Variants in GTF3C1 observed in about 807,000 individuals in gnomAD.
GTF3C1 encodes the protein general transcription factor IIIC subunit 1, also known as general transcription factor 3C polypeptide 1.
In GTF3C1, 57 loss-of-function variants were observed where a neutral mutation model predicts 226.7. That is an observed-to-expected ratio of 0.25 (90% CI 0.20 to 0.31). The LOEUF (loss-of-function observed/expected upper bound fraction) is 0.31. Among genes scored for constraint, GTF3C1 ranks in the 10% least tolerant of loss-of-function variants. The pLI is 1.00. For synonymous variants in GTF3C1, 1,090 were observed against 1,084.8 expected, an observed-to-expected ratio of 1.00 and a Z score of -0.09; for missense variants, 2,217 against 2,776.1, an observed-to-expected ratio of 0.80 and a Z score of 4.53.
rs2087731356 is a variant in GTF3C1, at chr16:27,463,248, G to A, written c.5924+293C>T. On this transcript the variant is annotated intron_variant, in intron 35 of 36. Transcript: ENST00000356183. This position sits in a 1 kb window ranked among gnomAD's most constrained non-coding sequence, Gnocchi z 4.9. Reference sequence around the variant, plus strand: ...AGTGGGTGAGGTGCCTGTGGGCCATGAGGAGCCAGTGAAGCACAGCTGACA... The same window carrying A: ...AGTGGGTGAGGTGCCTGTGGGCCATAAGGAGCCAGTGAAGCACAGCTGACA... The A allele has an allele frequency of 4.5e-6, 2 of 446,642 alleles. No homozygotes were observed. Among genetic ancestry groups the A allele is most frequent in the Non-Finnish European group, 7.9e-6 (2 of 252,554 alleles). 27.7% of individuals were successfully genotyped at this position (446,642 alleles called of 1,614,324 possible).
At chr16:27,495,541 T>C in intron 14 of GTF3C1, 49 bp from the exon 15 acceptor site, 4 of 1,545,170 alleles carry the variant, frequency 2.6e-6, no homozygotes, top group Non-Finnish European at 3.5e-6. Flanking sequence ...CCATACTGAA[T>C]TCAGTTTTAA....
At position 27,507,184 on chromosome 16, in the gene GTF3C1, A is replaced by T; in HGVS notation, c.1243-28T>A. ...AGAGGGAATAAGATGTGTTTATCCC[A>T]CTGCAAAGAGGGCGTCATACCCACA... is the stretch of plus-strand genomic sequence containing the variant. On this transcript the variant is annotated intron_variant, in intron 8 of 36. Transcript: ENST00000356183. The surrounding 1 kb of genome is among the most constrained non-coding windows in gnomAD (Gnocchi z 4.9). 1.3e-6 allele frequency: 2 copies of T among 1,522,288 alleles called. No individual in the cohort carries two copies. Among genetic ancestry groups the T allele is most frequent in the Non-Finnish European group, 1.8e-6 (2 of 1,114,358 alleles). The allele number at this position is 1,522,288 out of a possible 1,614,324, so 94.3% of individuals were successfully genotyped here. A position where few individuals can be genotyped will look rare whatever the true frequency, so the allele number is the denominator to read the frequency against.
Position 27,481,102 on chromosome 16 carries a change from G to A in GTF3C1, c.4173C>T (p.Asp1391=). The A allele has an allele frequency of 6.2e-7, 1 of 1,614,150 alleles. No homozygotes were observed. Among genetic ancestry groups the A allele is most frequent in the Middle Eastern group, 1.6e-4 (1 of 6,062 alleles). The change falls in exon 27 of 37, where the codon GAC becomes GAT. Residue 1391 remains aspartate, a synonymous_variant. Coordinates refer to ENST00000356183, the MANE Select transcript of GTF3C1 (RefSeq NM_001520.4). ...ACCTGGCGAACAGCTCCTGGAGTGT[G>A]TCTGGGATTTCAAGGTTAGAATTCC... ...ALRNSNLEIP[D]TLQELFARYR...
rs773822593 is a variant in GTF3C1 at position 27,549,813 on chromosome 16, G to A, written c.78C>T (p.Ser26=). ...AGGGCGGCACTCGCGTCTCCAGCCG[G>A]CTCCACAGCGCTGGCAGACACAGGC... The part of the protein sequence containing the change: ...LDGLCLPALW[S]RLETRVPPFP... Residue 26 remains serine, a synonymous_variant, in exon 1 of 37, where the codon AGC becomes AGT. Transcript: ENST00000356183. 3.1e-6 allele frequency: 5 copies of A among 1,612,970 alleles called. No individual in the cohort carries two copies. The South Asian group carries it at 5.5e-5, about 18-fold the overall frequency.
chr16:27,502,486 A>G (rs1178640721), intron 11 of GTF3C1, among the ~76,000 whole-genome samples: 1 of 152,148 alleles, frequency 6.6e-6, no homozygotes, highest in Non-Finnish European at 1.5e-5. Flanking sequence ...CGGAGAACTA[A>G]AAGTCTGGAA....
rs2088080533 is a variant in GTF3C1 at position 27,483,057 on chromosome 16, T to C, written c.4070A>G (p.Tyr1357Cys). 5 of 1,614,206 alleles carry C rather than the reference T, an allele frequency of 3.1e-6. No individual in the cohort carries two copies. Among genetic ancestry groups the C allele is most frequent in the Non-Finnish European group, 3.4e-6 (4 of 1,180,014 alleles). ...VGDFMNRRGD[Y>C]DDPKVCANEF... is the part of the protein sequence containing the mutation. ...CACAGGACCTACCTTTGGGTCATCA[T>C]AGTCACCTCTTCGATTCATGAAATC... Residue 1357 changes from tyrosine (Y) to cysteine (C), a missense_variant, in exon 26 of 37, where the codon TAT becomes TGT. This residue lies in a region of GTF3C1 where 546 missense variants were observed against 663.0 expected (regional missense o/e 0.82). Transcript: ENST00000356183.
Position 27,488,653 on chromosome 16 carries a change from C to G in GTF3C1, c.3430-18G>C. On this transcript the variant is annotated intron_variant, in intron 21 of 36. Coordinates refer to ENST00000356183, the MANE Select transcript of GTF3C1 (RefSeq NM_001520.4). ...GTGTTCTCCTGTGAGACAAGCACAG[C>G]ACTGGGATGAAGCATGAGCTTCCAC... The G allele has an allele frequency of 6.3e-7, 1 of 1,591,048 alleles. No homozygotes were observed. Among genetic ancestry groups the G allele is most frequent in the African/African-American group, 1.3e-5 (1 of 74,588 alleles).
At position 27,483,138 on chromosome 16, in the gene GTF3C1, G is replaced by T; in HGVS notation, c.4002-13C>A. On this transcript the variant is annotated splice_polypyrimidine_tract_variant and intron_variant, in intron 25 of 36. Transcript: ENST00000356183. ...GGCCAGGCACACTCTGCAGGAAGAG[G>T]AGACAAAGCTGAAGTCTGGGAATTG... The T allele has an allele frequency of 6.2e-7, 1 of 1,613,164 alleles. No homozygotes were observed. Among genetic ancestry groups the T allele is most frequent in the Non-Finnish European group, 8.5e-7 (1 of 1,179,136 alleles).
At position 27,486,020 on chromosome 16, in the gene GTF3C1, C is replaced by T; in HGVS notation, c.3835G>A (p.Ala1279Thr). The T allele has an allele frequency of 6.2e-7, 1 of 1,610,240 alleles. No individual in the cohort carries two copies. The highest frequency in any genetic ancestry group is 1.1e-5 in the South Asian group (1 of 90,570). The change falls in exon 24 of 37, where the codon GCC (alanine) becomes ACC (threonine). Residue 1279 changes from alanine (A) to threonine (T), a missense_variant. Physicochemically the swap from Ala to Thr is moderately conservative, Grantham distance 58 (BLOSUM62 0). Around this residue, in one of 12 missense-constraint regions of GTF3C1, gnomAD observed 546 missense variants for 663.0 expected, o/e 0.82. Transcript: ENST00000356183. ...EDGLLVLCRI[A>T]SNVLNTKVKG... Reference sequence around the variant, plus strand: ...ACCTTGGTGTTGAGGACATTGCTGGCAATGCGGCACAGCACAAGCAGCCCA... The same window carrying T: ...ACCTTGGTGTTGAGGACATTGCTGGTAATGCGGCACAGCACAAGCAGCCCA...
intron 7 of GTF3C1, among the ~76,000 whole-genome samples, chr16:27,510,939 T>C (rs1471297972): frequency 6.6e-6 from 1 of 152,238 alleles, no homozygotes; most frequent in Admixed American, 6.5e-5. Flanking sequence ...TTTCTTCTTC[T>C]CAGTGCTTTC....
intron 19 of GTF3C1, among the ~76,000 whole-genome samples, chr16:27,490,888 TG>T (rs1194800628): frequency 1.3e-5 from 2 of 152,232 alleles, no homozygotes; most frequent in African/African-American, 4.8e-5. Context: ...GCCTGATTAC[TG>T]GGGCTCAATA....
chr16:27,472,878 T>C (rs2087896324), intron 29 of GTF3C1, among the ~76,000 whole-genome samples: 1 of 152,192 alleles, frequency 6.6e-6, no homozygotes, highest in South Asian at 2.1e-4. Flanking sequence ...ACAATCTCAT[T>C]TGCTTACTCA....
At chr16:27,486,812 CT>C (rs1017059115) in intron 23 of GTF3C1, among the ~76,000 whole-genome samples, 3 of 152,238 alleles carry the variant, frequency 2.0e-5, no homozygotes, top group Admixed American at 6.5e-5. Context: ...CTGGTTTATG[CT>C]TTTTCAACAT....
rs1332027227 is a variant in GTF3C1, at chr16:27,507,652, A to C, written c.1243-496T>G. Among the ~76,000 whole-genome samples, 1 of 152,238 alleles carries C rather than the reference A, an allele frequency of 6.6e-6. No homozygotes were observed. Among genetic ancestry groups the C allele is most frequent in the Admixed American group, 6.5e-5 (1 of 15,286 alleles). ...GCTCTTCCCAGGGCCTTTGATAGGAAAAGAGTAACATCTAGGTACTATCAC... is the reference window on the plus strand; with the variant it reads ...GCTCTTCCCAGGGCCTTTGATAGGACAAGAGTAACATCTAGGTACTATCAC... On this transcript the variant is annotated intron_variant, in intron 8 of 36. Transcript: ENST00000356183. The surrounding 1 kb of genome is among the most constrained non-coding windows in gnomAD (Gnocchi z 4.9).
chr16:27,465,600 AT>A (rs2141342280), intron 32 of GTF3C1, 60 bp from the exon 33 acceptor site: 2 of 1,337,848 alleles, frequency 1.5e-6, no homozygotes, highest in East Asian at 4.9e-5. Context: ...CCCCTGACCA[AT>A]GCACAGGCCA....
At chr16:27,498,029 C>T (rs1365914250) in intron 13 of GTF3C1, among the ~76,000 whole-genome samples, 1 of 152,164 alleles carries the variant, frequency 6.6e-6, no homozygotes, top group Admixed American at 6.5e-5. Context: ...CTGAAGAGGG[C>T]ACCCCCACTT....
intron 6 of GTF3C1, among the ~76,000 whole-genome samples, chr16:27,514,213 C>T (rs939077075): frequency 6.6e-6 from 1 of 152,232 alleles, no homozygotes; most frequent in African/African-American, 2.4e-5. Context: ...CAATCTAAGG[C>T]CCCGGCGCAA....
chr16:27,488,314 G>T lies in GTF3C1; in HGVS notation c.3613C>A (p.Arg1205=). 1 of 1,614,054 alleles carries T rather than the reference G, an allele frequency of 6.2e-7. No individual in the cohort carries two copies. Among genetic ancestry groups the T allele is most frequent in the Non-Finnish European group, 8.5e-7 (1 of 1,179,986 alleles). Residue 1205 remains arginine, a synonymous_variant, in exon 23 of 37, where the codon CGA becomes AGA. Coordinates refer to ENST00000356183, the MANE Select transcript of GTF3C1 (RefSeq NM_001520.4). ...TTCCCACCCCTCACTCTCCGGTTTC[G>T]GTCCAGCGAGGGCTCTCGGTCCACC... The part of the protein sequence containing the change: ...FEVDREPSLD[R]NRRVRGGKSQ...
chr16:27,462,520 G>C lies in GTF3C1; in HGVS notation c.5925-34C>G, dbSNP rs779617805. On this transcript the variant is annotated intron_variant, in intron 35 of 36. Coordinates refer to ENST00000356183, the MANE Select transcript of GTF3C1 (RefSeq NM_001520.4). This position sits in a 1 kb window ranked among gnomAD's most constrained non-coding sequence, Gnocchi z 4.5. ...AGAGGGCTTGACATCAGGGCTTGGT[G>C]GGGGCAGGAGGGCAGCTCGTCCAGA... The C allele has an allele frequency of 5.2e-6, 8 of 1,535,568 alleles. No homozygotes were observed. The highest frequency in any genetic ancestry group is 4.5e-5 in the East Asian group (2 of 44,298).
Sources: gnomAD v4.1 joint callset for allele counts (sites outside exome capture counted in the v4.1 genomes callset) on GRCh38, gnomAD v4.1.1 for gene constraint, gnomAD v4.1.1 regional missense constraint, Gnocchi (gnomAD v3.1) non-coding constraint, MANE v1.5 for transcripts, NCBI Gene and HGNC (gene_info 2026-07-23, HGNC 2026-07-21) for gene names.